LGR6: variants seen among roughly 807,000 people sequenced by gnomAD.
LGR6 encodes leucine rich repeat containing G protein-coupled receptor 6.
Under a neutral mutation model 69.4 loss-of-function variants are expected in LGR6, and 45 were observed. That is an observed-to-expected ratio of 0.65 (90% CI 0.51 to 0.83). The LOEUF is 0.83. LGR6 is among the 40% of genes least tolerant of loss of function. LGR6 has a pLI of 0.00. For missense variants in LGR6, 1,108 were observed against 1,246.7 expected (o/e 0.89, Z 1.68); for synonymous variants, 538 against 555.0 (o/e 0.97, Z 0.43).
chr1:202,296,545 T>C (rs1667175365), intron 6 of LGR6, among the ~76,000 whole-genome samples: 5 of 152,208 alleles, frequency 3.3e-5, no homozygotes, highest in Admixed American at 3.3e-4. Context: ...TCTTTTCTAT[T>C]TGTCACAGGC....
At chr1:202,288,505 A>G (rs141943498) in intron 6 of LGR6, among the ~76,000 whole-genome samples, 233 of 152,298 alleles carry the variant, frequency 1.5e-3, no homozygotes, top group African/African-American at 5.3e-3. Context: ...GCAAATCTTT[A>G]TCCTCTCTGG....
intron 7 of LGR6, among the ~76,000 whole-genome samples, chr1:202,300,601 G>A (rs894618435): frequency 1.3e-5 from 2 of 151,664 alleles, no homozygotes; most frequent in South Asian, 2.1e-4. Context: ...GCTGCACTGC[G>A]GTGAGCCAAG....
At chr1:202,205,969 AAC>A (rs10522754) in intron 1 of LGR6, among the ~76,000 whole-genome samples, 35 of 149,088 alleles carry the variant, frequency 2.3e-4, no homozygotes, top group African/African-American at 5.7e-4. Context: ...ACAGACACAC[AAC>A]ACACACACAC....
intron 4 of LGR6, among the ~76,000 whole-genome samples, chr1:202,264,557 A>G (rs1048763723): frequency 6.6e-6 from 1 of 152,134 alleles, no homozygotes; most frequent in Non-Finnish European, 1.5e-5. Context: ...AACCAGCCTG[A>G]TGTCTGCAAT....
At chr1:202,307,471 C>T (rs1244370786) in intron 14 of LGR6, 70 bp downstream of exon 14, 1 of 1,320,010 alleles carries the variant, frequency 7.6e-7, no homozygotes, top group Admixed American at 1.7e-5. Flanking sequence ...CCAATGGAGG[C>T]AGAAGGGCCA....
chr1:202,233,555 G>A (rs1028341568), intron 3 of LGR6, among the ~76,000 whole-genome samples: 2 of 152,174 alleles, frequency 1.3e-5, no homozygotes, highest in Admixed American at 6.5e-5. Flanking sequence ...ACTAAGCAGG[G>A]CAGAGGGCAG....
intron 4 of LGR6, among the ~76,000 whole-genome samples, chr1:202,253,087 G>A (rs1178455601): frequency 6.6e-6 from 1 of 152,110 alleles, no homozygotes; most frequent in Non-Finnish European, 1.5e-5. Context: ...TGATTTTAGG[G>A]TCTCTGAAAA....
intron 4 of LGR6, among the ~76,000 whole-genome samples, chr1:202,274,726 C>T (rs962467313): frequency 3.3e-5 from 5 of 152,240 alleles, no homozygotes; most frequent in Admixed American, 1.3e-4. Context: ...CACAAAGCTC[C>T]CCAGGGTGGT....
At position 202,194,167 on chromosome 1, in the gene LGR6, G is replaced by T; in HGVS notation, c.178G>T (p.Val60Phe). The change falls in exon 1 of 18, where the codon GTT (valine) becomes TTT (phenylalanine). Residue 60 changes from valine (V) to phenylalanine (F), a missense_variant. Val to Phe is a conservative substitution (Grantham distance 50, BLOSUM62 -1). Transcript: ENST00000367278. ...CTGCTCTGAGCTCGGGCTGTCCGCCGTTCCGGGGGACCTGGACCCCCTGAC... is the reference window on the plus strand; with the variant it reads ...CTGCTCTGAGCTCGGGCTGTCCGCCTTTCCGGGGGACCTGGACCCCCTGAC... ...ADCSELGLSA[V>F]PGDLDPLTAY... 1 of 1,569,768 alleles carries T rather than the reference G, an allele frequency of 6.4e-7. No homozygotes were observed.
At chr1:202,292,469 C>T (rs1482857516) in intron 6 of LGR6, among the ~76,000 whole-genome samples, 1 of 152,202 alleles carries the variant, frequency 6.6e-6, no homozygotes, top group East Asian at 1.9e-4. Context: ...GGCAGGTGGC[C>T]TCATCCATGT....
chr1:202,236,413 G>A (rs997169106), intron 4 of LGR6: 9 of 196,426 alleles, frequency 4.6e-5, no homozygotes, highest in Admixed American at 1.7e-4. Context: ...TGGGTGGGAA[G>A]GAGGCTAGGC....
chr1:202,302,418 A>C (rs1303986287), intron 9 of LGR6, among the ~76,000 whole-genome samples: 1 of 152,066 alleles, frequency 6.6e-6, no homozygotes, highest in African/African-American at 2.4e-5. Flanking sequence ...GGCTTTTCAC[A>C]ACACTCAATT....
chr1:202,254,912 A>C (rs1663637060), intron 4 of LGR6, among the ~76,000 whole-genome samples: 1 of 152,066 alleles, frequency 6.6e-6, no homozygotes, highest in African/African-American at 2.4e-5. Context: ...AAAAAAAAAA[A>C]AAAGGAAAGA....
At chr1:202,291,247 C>T (rs1470049275) in intron 6 of LGR6, among the ~76,000 whole-genome samples, 9 of 152,158 alleles carry the variant, frequency 5.9e-5, no homozygotes, top group Non-Finnish European at 1.3e-4. Context: ...CTTCTAGCTC[C>T]CGGGAGCAGG....
Position 202,314,786 on chromosome 1 carries a change from T to A in LGR6, c.1568-16T>A. On this transcript the variant is annotated splice_polypyrimidine_tract_variant and intron_variant, in intron 16 of 17. Transcript: ENST00000367278. ...CCAAGACCCAGGACCCTGCATCACTTTGTCTCTCCTTTCAGATGACCAGGA... is the reference window on the plus strand; with the variant it reads ...CCAAGACCCAGGACCCTGCATCACTATGTCTCTCCTTTCAGATGACCAGGA... The A allele has an allele frequency of 6.2e-7, 1 of 1,607,046 alleles. No individual in the cohort carries two copies. The highest frequency in any genetic ancestry group is 8.5e-7 in the Non-Finnish European group (1 of 1,173,614).
chr1:202,287,651 G>A (rs763856163), intron 6 of LGR6, among the ~76,000 whole-genome samples: 2 of 152,080 alleles, frequency 1.3e-5, no homozygotes, highest in Non-Finnish European at 2.9e-5. Context: ...CTCAGTGATG[G>A]CAGCTTTACT....
intron 3 of LGR6, among the ~76,000 whole-genome samples, chr1:202,230,996 G>A (rs1421197478): frequency 6.6e-6 from 1 of 152,164 alleles, no homozygotes; most frequent in Non-Finnish European, 1.5e-5. Context: ...CCAAATCCTT[G>A]TAAGTCTGTG....
Position 202,265,734 on chromosome 1 carries a change from T to C in LGR6, c.429-10572T>C, listed in dbSNP as rs538580434. 2.0e-5 allele frequency among the ~76,000 whole-genome samples: 3 copies of C among 152,322 alleles called. No individual in the cohort carries two copies. The South Asian group carries it at 6.2e-4, about 32-fold the overall frequency. On this transcript the variant is annotated intron_variant, in intron 4 of 17. Coordinates refer to ENST00000367278, the MANE Select transcript of LGR6 (RefSeq NM_001017403.2). ...AAGTGGGGTCCCTGTTAGCTGTCAC[T>C]TCCACTGCTGTGATCTCCCCATCAA...
intron 1 of LGR6, chr1:202,194,434 C>T (rs1315266019): frequency 1.7e-6 from 1 of 595,480 alleles, no homozygotes; most frequent in Non-Finnish European, 3.1e-6. Flanking sequence ...CCATTGGCCT[C>T]CGTGCTTGTG....
Sources: gnomAD v4.1 joint callset for allele counts (sites outside exome capture counted in the v4.1 genomes callset) on GRCh38, gnomAD v4.1.1 for gene constraint, MANE v1.5 for transcripts, NCBI Gene and HGNC (gene_info 2026-07-23, HGNC 2026-07-21) for gene names.